The following SUGCT variants were observed in gnomAD, a reference collection of about 807,000 sequenced individuals.
SUGCT encodes succinyl-CoA:glutarate CoA-transferase.
A neutral mutation model predicts 55.0 loss-of-function variants in SUGCT; 41 were observed. That is an observed-to-expected ratio of 0.74 (90% CI 0.58 to 0.97). The LOEUF is 0.97. Ranked by LOEUF, SUGCT falls within the 50% of genes least tolerant of loss-of-function variation. SUGCT has a pLI of 0.00. For missense variants in SUGCT, 568 were observed against 547.8 expected, an observed-to-expected ratio of 1.04 and a Z score of -0.37; for synonymous variants, 187 against 200.4, an observed-to-expected ratio of 0.93 and a Z score of 0.56.
chr7:40,541,323 A>G (rs1197213751), intron 12 of SUGCT, among the ~76,000 whole-genome samples: 3 of 152,220 alleles, frequency 2.0e-5, no homozygotes, highest in African/African-American at 7.2e-5. Context: ...TGCTGTTGAT[A>G]TTGCATAATG....
chr7:40,804,568 T>G (rs1175953522), intron 13 of SUGCT, among the ~76,000 whole-genome samples: 1 of 120,864 alleles, frequency 8.3e-6, no homozygotes. Flanking sequence ...ATTACCCTTC[T>G]CAGAAAAAAA....
At chr7:40,323,311 T>C (rs746571032) in intron 9 of SUGCT, among the ~76,000 whole-genome samples, 2 of 152,206 alleles carry the variant, frequency 1.3e-5, no homozygotes, top group Non-Finnish European at 2.9e-5. Flanking sequence ...TGTGAATCAT[T>C]TGGATGTCTT....
chr7:40,700,948 C>T (rs1785147865), intron 12 of SUGCT, among the ~76,000 whole-genome samples: 1 of 152,116 alleles, frequency 6.6e-6, no homozygotes, highest in Non-Finnish European at 1.5e-5. Flanking sequence ...CTTCCTGTAG[C>T]CAATCCATTC....
At chr7:40,398,465 T>C (rs1785869537) in intron 9 of SUGCT, among the ~76,000 whole-genome samples, 1 of 151,652 alleles carries the variant, frequency 6.6e-6, no homozygotes, top group Non-Finnish European at 1.5e-5. Flanking sequence ...CCCAGTAGGA[T>C]TGCATCTCGG....
In SUGCT at chr7:40,487,915, CT is replaced by C. The variant is rs1791468818; in HGVS notation, c.987-8367del. ...GTATCCTTAAAGATGAAGGGAGTCT[CT>C]TCTAGTCAGCATACTACAAGAGAAA... On this transcript the variant is annotated intron_variant, in intron 11 of 13. Coordinates refer to ENST00000335693, the MANE Select transcript of SUGCT (RefSeq NM_001193313.2). Among the ~76,000 whole-genome samples the C allele has an allele frequency of 3.3e-5, 5 of 151,626 alleles. No individual in the cohort carries two copies. In the South Asian group the frequency reaches 1.0e-3, roughly 31 times the overall value.
intron 5 of SUGCT, among the ~76,000 whole-genome samples, chr7:40,192,302 G>A (rs1785963970): frequency 1.3e-5 from 2 of 152,052 alleles, no homozygotes; most frequent in South Asian, 4.1e-4. Flanking sequence ...AAAACAGGTT[G>A]TGTAAAAACT....
intron 12 of SUGCT, among the ~76,000 whole-genome samples, chr7:40,601,752 T>C (rs1217178792): frequency 1.3e-5 from 2 of 151,904 alleles, no homozygotes; most frequent in Non-Finnish European, 2.9e-5. Context: ...TTTTTTTTTT[T>C]CTCATCAGCT....
At chr7:40,899,282 G>A in the SUGCT span, among the ~76,000 whole-genome samples, 6 of 152,202 alleles carry the variant, frequency 3.9e-5, no homozygotes, top group South Asian at 6.2e-4. Flanking sequence ...CTGCGTATCT[G>A]ACTCAGTGAG....
intron 12 of SUGCT, among the ~76,000 whole-genome samples, chr7:40,720,803 T>C (rs1259835802): frequency 6.6e-6 from 1 of 152,208 alleles, no homozygotes; most frequent in Non-Finnish European, 1.5e-5. Context: ...CATCTTTGAA[T>C]GAGACTAAAA....
chr7:40,600,727 T>G (rs1346633566), intron 12 of SUGCT, among the ~76,000 whole-genome samples: 1 of 151,456 alleles, frequency 6.6e-6, no homozygotes, highest in South Asian at 2.1e-4. Context: ...GTAGAGAGTT[T>G]TTTTTTTTTT....
the SUGCT span, among the ~76,000 whole-genome samples, chr7:40,926,173 C>A: frequency 6.6e-6 from 1 of 152,016 alleles, no homozygotes; most frequent in Non-Finnish European, 1.5e-5. Flanking sequence ...TAAATACTAC[C>A]TAATACAGCT....
chr7:40,759,522 A>G (rs1204738879), intron 13 of SUGCT, among the ~76,000 whole-genome samples: 1 of 152,138 alleles, frequency 6.6e-6, no homozygotes. Context: ...TGCTATACCA[A>G]CCAATGTTAG....
chr7:41,034,647 G>C, the SUGCT span, among the ~76,000 whole-genome samples: 1 of 152,194 alleles, frequency 6.6e-6, no homozygotes, highest in African/African-American at 2.4e-5. Context: ...TAGCTACTGT[G>C]TTTGGAGCTT....
chr7:40,253,026 A>G (rs13244588), intron 7 of SUGCT, among the ~76,000 whole-genome samples: 61,352 of 152,118 alleles, frequency 0.4, 12,801 homozygotes, highest in East Asian at 0.5. Flanking sequence ...ATTTTTTATC[A>G]GCAATTGTGT....
chr7:40,471,087 G>T (rs17433827), intron 11 of SUGCT, among the ~76,000 whole-genome samples: 15,712 of 151,974 alleles, frequency 0.1, 1,096 homozygotes, highest in Middle Eastern at 0.19. Context: ...TAATGTATTT[G>T]AAAAATAGGA....
At chr7:40,219,478 A>G (rs943620666) in intron 6 of SUGCT, among the ~76,000 whole-genome samples, 9 of 152,268 alleles carry the variant, frequency 5.9e-5, no homozygotes, top group South Asian at 2.1e-4. Flanking sequence ...ATTAAACAAT[A>G]GAAGCCTGGC....
intron 12 of SUGCT, among the ~76,000 whole-genome samples, chr7:40,565,791 G>A (rs1796100674): frequency 6.6e-6 from 1 of 151,998 alleles, no homozygotes; most frequent in African/African-American, 2.4e-5. Context: ...CTCACACTTT[G>A]GCATTCTAAT....
intron 12 of SUGCT, among the ~76,000 whole-genome samples, chr7:40,586,819 C>T (rs982091046): frequency 1.3e-4 from 20 of 152,158 alleles, no homozygotes; most frequent in Non-Finnish European, 1.5e-4. Context: ...AAGCTTTTAA[C>T]CACAATACTG....
At chr7:41,012,205 C>G in the SUGCT span, among the ~76,000 whole-genome samples, 6 of 152,186 alleles carry the variant, frequency 3.9e-5, no homozygotes, top group Non-Finnish European at 8.8e-5. Context: ...CTCCCTCCCC[C>G]TGTGTCTTTG....
Sources: allele counts gnomAD v4.1 joint callset (sites outside exome capture counted in the v4.1 genomes callset), GRCh38; gene constraint gnomAD v4.1.1; transcripts MANE v1.5; gene names NCBI Gene and HGNC (gene_info 2026-07-23, HGNC 2026-07-21).